The following NBAS variants were observed in gnomAD, a reference collection of about 807,000 sequenced individuals.
NBAS encodes the protein NAG/BC035112 fusion.
NBAS carries 219 observed loss-of-function variants against 302.5 expected under a neutral mutation model. The observed-to-expected ratio is 0.72, with a 90% CI of 0.65 to 0.81. NBAS has a LOEUF of 0.81. NBAS is among the 30% of genes least tolerant of loss of function. The probability of loss-of-function intolerance (pLI) is 0.00; values close to 1 mark genes in which losing one functional copy is unlikely to be tolerated. For missense variants in NBAS, 2,932 were observed against 2,841.6 expected, an observed-to-expected ratio of 1.03 and a Z score of -0.72; for synonymous variants, 1,118 against 1,021.6, an observed-to-expected ratio of 1.09 and a Z score of -1.80.
the NBAS span, among the ~76,000 whole-genome samples, chr2:14,901,036 C>G: frequency 6.6e-6 from 1 of 152,142 alleles, no homozygotes; most frequent in Non-Finnish European, 1.5e-5. Context: ...ATCTTAAGGA[C>G]TTGAAATTCC....
the NBAS span, among the ~76,000 whole-genome samples, chr2:14,874,208 A>G: frequency 6.6e-6 from 1 of 152,188 alleles, no homozygotes; most frequent in Non-Finnish European, 1.5e-5. Context: ...GACTCACTCA[A>G]AAGAAATAGG....
chr2:15,524,506 T>C (rs1662827586), intron 9 of NBAS, among the ~76,000 whole-genome samples: 2 of 152,206 alleles, frequency 1.3e-5, no homozygotes, highest in Admixed American at 1.3e-4. Flanking sequence ...GCTCACTCCA[T>C]GCAGACAGAC....
Position 15,474,236 on chromosome 2 carries a change from T to G in NBAS, c.1430A>C (p.Tyr477Ser). ...DEGEEDSDSD[Y>S]EISAKARYFG... ...GTAGCGAGCCTTGGCAGATATTTCA[T>G]AATCAGAATCAGAATCCTCTTCTCC... Residue 477 changes from tyrosine to serine, a missense_variant, in exon 15 of 52, where the codon TAT becomes TCT. Tyr to Ser is a moderately radical substitution (Grantham distance 144). Transcript: ENST00000281513. 1 of 1,614,132 alleles carries G rather than the reference T, an allele frequency of 6.2e-7. No individual in the cohort carries two copies. Among genetic ancestry groups the G allele is most frequent in the Non-Finnish European group, 8.5e-7 (1 of 1,180,000 alleles).
chr2:14,854,054 C>A, the NBAS span, among the ~76,000 whole-genome samples: 1 of 146,234 alleles, frequency 6.8e-6, no homozygotes, highest in African/African-American at 2.5e-5. Flanking sequence ...CACATGTACC[C>A]TAAAACTTAA....
the NBAS span, among the ~76,000 whole-genome samples, chr2:14,821,779 G>A: frequency 9.2e-5 from 14 of 152,054 alleles, no homozygotes; most frequent in South Asian, 2.1e-4. Context: ...TTTGGAGGCC[G>A]AGGCAGGTGG....
the NBAS span, among the ~76,000 whole-genome samples, chr2:15,139,539 T>C: frequency 6.6e-6 from 1 of 152,076 alleles, no homozygotes; most frequent in African/African-American, 2.4e-5. Context: ...TGTGTGCAAG[T>C]GTATACACAC....
Position 15,317,961 on chromosome 2 carries a change from T to C in NBAS, c.4583-8714A>G, listed in dbSNP as rs184695601. ...CACATAATTGTCAGATTCACCAAGGTTGAAATAAAGGAAAAAATGTTAAGG... is the reference window on the plus strand; with the variant it reads ...CACATAATTGTCAGATTCACCAAGGCTGAAATAAAGGAAAAAATGTTAAGG... On this transcript the variant is annotated intron_variant, in intron 38 of 51. Transcript: ENST00000281513. Among the ~76,000 whole-genome samples the C allele has an allele frequency of 1.2e-4, 18 of 151,826 alleles. No homozygotes were observed. In the South Asian group the frequency reaches 3.6e-3, roughly 30 times the overall value.
chr2:15,274,660 A>C (rs1196938600), intron 44 of NBAS, among the ~76,000 whole-genome samples: 1 of 152,200 alleles, frequency 6.6e-6, no homozygotes, highest in Non-Finnish European at 1.5e-5. Flanking sequence ...CAGTCAAAGG[A>C]GGCCAAACTG....
In NBAS at chr2:15,417,523, C is replaced by T. The variant is rs1196064183; in HGVS notation, c.2763+4G>A. 1.2e-6 allele frequency: 2 copies of T among 1,609,030 alleles called. No homozygotes were observed. Among genetic ancestry groups the T allele is most frequent in the South Asian group, 2.2e-5 (2 of 90,872 alleles). On this transcript the variant is annotated splice_donor_region_variant and intron_variant, in intron 24 of 51. Transcript: ENST00000281513. ...TTTAAAAAGGAAGTTAAAATAAAAC[C>T]TACACTATTCATCAGTAATCTTAGT...
chr2:15,528,899 G>GTGTATATATATATATATATATA (rs1663078337), intron 9 of NBAS, among the ~76,000 whole-genome samples: 15 of 122,246 alleles, frequency 1.2e-4, no homozygotes, highest in Admixed American at 1.1e-3. Context: ...ATATATATAT[G>GTGTATATATATATATATATATA]TGTGTATATA....
chr2:15,017,622 C>T, the NBAS span, among the ~76,000 whole-genome samples: 1 of 152,012 alleles, frequency 6.6e-6, no homozygotes, highest in African/African-American at 2.4e-5. Context: ...GAAGAATCTT[C>T]TCACCCTATT....
At chr2:14,829,168 C>T in the NBAS span, among the ~76,000 whole-genome samples, 2 of 151,534 alleles carry the variant, frequency 1.3e-5, no homozygotes, top group Non-Finnish European at 2.9e-5. Context: ...TAATGGATAA[C>T]GTTAAGGTAC....
At chr2:15,102,772 A>G in the NBAS span, among the ~76,000 whole-genome samples, 1 of 152,152 alleles carries the variant, frequency 6.6e-6, no homozygotes, top group South Asian at 2.1e-4. Context: ...CTACACTGTC[A>G]CCTAGAAAAC....
At chr2:14,866,591 T>C in the NBAS span, among the ~76,000 whole-genome samples, 2 of 152,164 alleles carry the variant, frequency 1.3e-5, no homozygotes, top group African/African-American at 4.8e-5. Context: ...TGACATGGAA[T>C]GAGTATGAGT....
At chr2:15,217,719 C>A (rs1666717359) in intron 48 of NBAS, among the ~76,000 whole-genome samples, 1 of 152,230 alleles carries the variant, frequency 6.6e-6, no homozygotes, top group South Asian at 2.1e-4. Context: ...CAAATTTCAA[C>A]AGCCACAATA....
At chr2:15,357,187 A>G (rs1431139668) in intron 32 of NBAS, among the ~76,000 whole-genome samples, 1 of 152,178 alleles carries the variant, frequency 6.6e-6, no homozygotes, top group Admixed American at 6.5e-5. Context: ...GTAATTTTCC[A>G]TCTGCCCCAA....
At chr2:15,242,894 C>T (rs1453995390) in intron 44 of NBAS, among the ~76,000 whole-genome samples, 1 of 152,024 alleles carries the variant, frequency 6.6e-6, no homozygotes, top group Non-Finnish European at 1.5e-5. Flanking sequence ...TAAACATCTA[C>T]TTTCCAAGAC....
the NBAS span, among the ~76,000 whole-genome samples, chr2:14,804,973 G>C: frequency 6.6e-6 from 1 of 152,172 alleles, no homozygotes. Flanking sequence ...CTTTTCTCTT[G>C]GGTTCTTTTG....
chr2:15,118,341 C>A, the NBAS span, among the ~76,000 whole-genome samples: 3 of 152,316 alleles, frequency 2.0e-5, no homozygotes, highest in Admixed American at 6.5e-5. Flanking sequence ...CAGACATAGG[C>A]AAAGCAGCTT....
Sources: allele counts gnomAD v4.1 joint callset (sites outside exome capture counted in the v4.1 genomes callset), GRCh38; gene constraint gnomAD v4.1.1; transcripts MANE v1.5; gene names NCBI Gene and HGNC (gene_info 2026-07-23, HGNC 2026-07-21).